FGF14: variants seen among roughly 807,000 people sequenced by gnomAD.
The protein encoded by FGF14 is fibroblast growth factor 14.
A neutral mutation model predicts 25.5 loss-of-function variants in FGF14; 5 were observed. The observed-to-expected ratio is 0.20, with a 90% CI of 0.10 to 0.41. FGF14 has a LOEUF of 0.41. Ranked by LOEUF, FGF14 falls within the 10% of genes least tolerant of loss-of-function variation. The pLI is 1.00. For missense variants in FGF14, 222 were observed against 320.1 expected (o/e 0.69, Z 2.34); for synonymous variants, 138 against 118.3 (o/e 1.17, Z -1.08).
chr13:102,397,426 G>A (rs1054141442), intron 1 of FGF14, among the ~76,000 whole-genome samples: 7 of 152,188 alleles, frequency 4.6e-5, no homozygotes, highest in African/African-American at 1.7e-4. Flanking sequence ...TTCAGAAAAA[G>A]AGAATTGATG....
At chr13:102,270,790 T>A (rs555788398) in intron 1 of FGF14, among the ~76,000 whole-genome samples, 47 of 152,344 alleles carry the variant, frequency 3.1e-4, no homozygotes, top group African/African-American at 1.0e-3. Flanking sequence ...TTGATTATTA[T>A]GAATTCATGA....
At chr13:101,889,522 T>C (rs1286188531) in intron 1 of FGF14, among the ~76,000 whole-genome samples, 1 of 151,972 alleles carries the variant, frequency 6.6e-6, no homozygotes, top group Non-Finnish European at 1.5e-5. Context: ...TATAAATAAA[T>C]GAAAAAAAAT....
At chr13:102,162,228 G>A (rs1262900084) in intron 1 of FGF14, among the ~76,000 whole-genome samples, 2 of 152,040 alleles carry the variant, frequency 1.3e-5, no homozygotes, top group Non-Finnish European at 2.9e-5. Context: ...AGAATCTCTC[G>A]GTCAAAGGCT....
At chr13:101,806,123 G>A (rs968372552) in intron 3 of FGF14, among the ~76,000 whole-genome samples, 2 of 151,746 alleles carry the variant, frequency 1.3e-5, no homozygotes, top group African/African-American at 4.8e-5. Context: ...ATATGTAAAA[G>A]CATTAATGAA....
chr13:102,144,555 TAA>T (rs2046775935), intron 1 of FGF14, among the ~76,000 whole-genome samples: 1 of 147,932 alleles, frequency 6.8e-6, no homozygotes, highest in Admixed American at 6.7e-5. Flanking sequence ...TATATATAAA[TAA>T]AAGAGAATAG....
At chr13:101,907,284 T>G (rs913767246) in intron 1 of FGF14, among the ~76,000 whole-genome samples, 3 of 152,104 alleles carry the variant, frequency 2.0e-5, no homozygotes, top group African/African-American at 7.2e-5. Flanking sequence ...CTATTAGTGT[T>G]TGGCTGAACA....
chr13:101,982,604 G>C (rs2038334751), intron 1 of FGF14, among the ~76,000 whole-genome samples: 1 of 152,172 alleles, frequency 6.6e-6, no homozygotes, highest in Non-Finnish European at 1.5e-5. Context: ...ATCTAAGAGT[G>C]CAAATTTGCA....
chr13:102,077,261 A>C (rs1162960251), intron 1 of FGF14, among the ~76,000 whole-genome samples: 1 of 152,188 alleles, frequency 6.6e-6, no homozygotes, highest in Non-Finnish European at 1.5e-5. Flanking sequence ...ATATAAAGCC[A>C]AAAGCACAGG....
At chr13:101,739,076 T>C (rs898300156) in intron 3 of FGF14, among the ~76,000 whole-genome samples, 1 of 141,314 alleles carries the variant, frequency 7.1e-6, no homozygotes, top group Non-Finnish European at 1.5e-5. Flanking sequence ...CCTCATAGTC[T>C]CATACTTTAA....
At chr13:102,378,715 A>C (rs1240341204) in intron 1 of FGF14, among the ~76,000 whole-genome samples, 2 of 151,994 alleles carry the variant, frequency 1.3e-5, no homozygotes, top group African/African-American at 4.8e-5. Context: ...AAACAAAAAA[A>C]CAAAAAGAAT....
chr13:102,153,671 G>A (rs1234498858), intron 1 of FGF14, among the ~76,000 whole-genome samples: 1 of 152,078 alleles, frequency 6.6e-6, no homozygotes, highest in Non-Finnish European at 1.5e-5. Flanking sequence ...AGTAGCAAGT[G>A]CATTATATTA....
intron 1 of FGF14, among the ~76,000 whole-genome samples, chr13:102,033,068 A>G (rs1333235784): frequency 6.6e-6 from 1 of 152,120 alleles, no homozygotes; most frequent in African/African-American, 2.4e-5. Context: ...ATGCCTTGAA[A>G]TAAGAAAATC....
intron 1 of FGF14, among the ~76,000 whole-genome samples, chr13:102,263,626 A>G (rs2052833096): frequency 6.6e-6 from 1 of 152,174 alleles, no homozygotes; most frequent in South Asian, 2.1e-4. Context: ...ATTTTCATGG[A>G]CTCTAATATA....
At chr13:102,173,891 T>C (rs2140696740) in intron 1 of FGF14, among the ~76,000 whole-genome samples, 1 of 152,180 alleles carries the variant, frequency 6.6e-6, no homozygotes, top group South Asian at 2.1e-4. Flanking sequence ...AAGAAAAGGA[T>C]GCTCACTCTC....
chr13:101,919,241 C>A (rs565769631), upstream of FGF14, among the ~76,000 whole-genome samples: 1 of 152,138 alleles, frequency 6.6e-6, no homozygotes, highest in South Asian at 2.1e-4. Context: ...TTGTACATTT[C>A]AGAAGTTCTA....
chr13:102,245,366 T>C (rs2051813075), intron 1 of FGF14, among the ~76,000 whole-genome samples: 1 of 152,126 alleles, frequency 6.6e-6, no homozygotes, highest in South Asian at 2.1e-4. Context: ...GTCTTTAAAG[T>C]ATTTACGATG....
At chr13:102,324,403 AATGGGGCATTT>A (rs976625350) in intron 1 of FGF14, among the ~76,000 whole-genome samples, 63 of 152,234 alleles carry the variant, frequency 4.1e-4, no homozygotes, top group African/African-American at 1.5e-3. Flanking sequence ...TCATCTGTAA[AATGGGGCATTT>A]ATTTTTACTC....
At chr13:102,072,120 G>T (rs2043178414) in intron 1 of FGF14, among the ~76,000 whole-genome samples, 1 of 152,146 alleles carries the variant, frequency 6.6e-6, no homozygotes, top group South Asian at 2.1e-4. Context: ...ATTTGTGAAA[G>T]AAGAACAGAA....
chr13:102,155,734 T>G lies in FGF14; in HGVS notation c.208+245737A>C, dbSNP rs542342677. On this transcript the variant is annotated intron_variant, in intron 1 of 4. Coordinates refer to the FGF14 transcript ENST00000376131. ...CAATGAATCCAGGAGCTGGTTTTTT[T>G]AAAAGATCAACAAAATTGATAGACC... Among the ~76,000 whole-genome samples, 729 of 151,368 alleles carry G rather than the reference T, an allele frequency of 4.8e-3. 4 individuals are homozygous for G. Among genetic ancestry groups the G allele is most frequent in the Non-Finnish European group, 6.7e-3 (457 of 67,844 alleles).
Sources: gnomAD v4.1 joint callset for allele counts (sites outside exome capture counted in the v4.1 genomes callset) on GRCh38, gnomAD v4.1.1 for gene constraint, MANE v1.5 for transcripts, NCBI Gene and HGNC (gene_info 2026-07-23, HGNC 2026-07-21) for gene names.